RRN3: variants seen among roughly 807,000 people sequenced by gnomAD.
The protein encoded by RRN3 is RNA polymerase I-specific transcription initiation factor RRN3.
In RRN3, 38 loss-of-function variants were observed where a neutral mutation model predicts 82.3. The ratio of observed to expected loss-of-function variants is 0.46; its 90% CI spans 0.36 to 0.61. The LOEUF (loss-of-function observed/expected upper bound fraction) is 0.61. Ranked by LOEUF, RRN3 falls within the 20% of genes least tolerant of loss-of-function variation. The probability of loss-of-function intolerance (pLI) is 0.00; values close to 1 mark genes in which losing one functional copy is unlikely to be tolerated. For missense variants in RRN3, 726 were observed against 793.1 expected (o/e 0.92, Z 1.02); for synonymous variants, 284 against 284.3 (o/e 1.00, Z 0.01).
intron 10 of RRN3, chr16:15,076,324 A>G: frequency 1.7e-6 from 1 of 596,648 alleles, no homozygotes. Flanking sequence ...TGAAAGTTAC[A>G]AGAACAAAAG....
intron 6 of RRN3, 34 bp downstream of exon 6, chr16:15,085,605 A>C (rs753121824): frequency 2.5e-6 from 4 of 1,603,620 alleles, no homozygotes; most frequent in African/African-American, 2.7e-5. Context: ...GGTGAAAGCT[A>C]CTGTGCCCAG....
chr16:15,074,249 C>A (rs1045118483), intron 11 of RRN3, among the ~76,000 whole-genome samples: 1 of 152,164 alleles, frequency 6.6e-6, no homozygotes, highest in African/African-American at 2.4e-5. Context: ...CATCTTAAAT[C>A]TTAGCAATGT....
At chr16:15,093,786 C>T (rs1400995429) in intron 1 of RRN3, among the ~76,000 whole-genome samples, 1 of 152,114 alleles carries the variant, frequency 6.6e-6, no homozygotes, top group African/African-American at 2.4e-5. Context: ...CCATGAGTGA[C>T]GACGTTCGGC....
Sources: allele counts gnomAD v4.1 joint callset (sites outside exome capture counted in the v4.1 genomes callset), GRCh38; gene constraint gnomAD v4.1.1; transcripts MANE v1.5; gene names NCBI Gene and HGNC (gene_info 2026-07-23, HGNC 2026-07-21).